The following ATP2C1 variants were observed in gnomAD, a reference collection of about 807,000 sequenced individuals.
ATP2C1 encodes ATPase secretory pathway Ca2+ transporting 1.
ATP2C1 carries 31 observed loss-of-function variants against 120.5 expected under a neutral mutation model. The observed-to-expected ratio is 0.26, with a 90% CI of 0.19 to 0.35. The LOEUF is 0.35. Ranked by LOEUF, ATP2C1 falls within the 10% of genes least tolerant of loss-of-function variation. ATP2C1 has a pLI of 1.00. For missense variants in ATP2C1, 731 were observed against 1,107.5 expected (o/e 0.66, Z 4.83); for synonymous variants, 351 against 358.7 (o/e 0.98, Z 0.24).
At chr3:130,941,252 G>GTGTGTGTGTGTGTC (rs1553764219) in intron 7 of ATP2C1, among the ~76,000 whole-genome samples, 65 of 144,346 alleles carry the variant, frequency 4.5e-4, no homozygotes, top group South Asian at 2.0e-3. Context: ...GTGTGTGTGT[G>GTGTGTGTGTGTGTC]TGTGTGTGTG....
At chr3:130,874,437 G>A (rs183517925) in intron 1 of ATP2C1, among the ~76,000 whole-genome samples, 18 of 152,098 alleles carry the variant, frequency 1.2e-4, no homozygotes, top group Admixed American at 9.8e-4. Flanking sequence ...AGTACTTGTC[G>A]TAACATTTTA....
chr3:130,953,952 A>G lies in ATP2C1; in HGVS notation c.663A>G (p.Thr221=). ...GAAGTAACATTGCCTTTATGGGAAC[A>G]CTGGTCAGATGTGGCAAAGCAAAGG... ...ASRSNIAFMG[T]LVRCGKAKGV... is the part of the protein sequence containing the mutation. Residue 221 remains threonine (T), a synonymous_variant, in exon 9 of 28, where the codon ACA becomes ACG. Coordinates refer to ENST00000510168, the MANE Select transcript of ATP2C1 (RefSeq NM_001378687.1). 6.2e-7 allele frequency: 1 copy of G among 1,614,062 alleles called. No individual in the cohort carries two copies. Among genetic ancestry groups the G allele is most frequent in the African/African-American group, 1.3e-5 (1 of 75,048 alleles).
chr3:130,898,847 G>T (rs186487205), intron 2 of ATP2C1, among the ~76,000 whole-genome samples: 168 of 152,274 alleles, frequency 1.1e-3, no homozygotes, highest in Admixed American at 3.5e-3. Context: ...TGTTTTAAAG[G>T]TGCCAGGAAC....
At chr3:130,856,493 T>C (rs1052115481) in intron 1 of ATP2C1, among the ~76,000 whole-genome samples, 13 of 152,220 alleles carry the variant, frequency 8.5e-5, no homozygotes, top group African/African-American at 2.9e-4. Context: ...TGTTTTTAGC[T>C]CCATAAAGTC....
chr3:130,900,395 T>C (rs780233031), intron 2 of ATP2C1, among the ~76,000 whole-genome samples: 4 of 152,138 alleles, frequency 2.6e-5, no homozygotes, highest in Non-Finnish European at 4.4e-5. Context: ...TTAGAAAGCT[T>C]TGAGATATTG....
Position 130,918,111 on chromosome 3 carries a change from T to A in ATP2C1, c.7-12305T>A, listed in dbSNP as rs1407985762. ...GCCAGCCTATCCGAGTACAGGGTAA[T>A]ATATAGTACTTAATGCTGGTAGAAT... On this transcript the variant is annotated intron_variant, in intron 2 of 27. Coordinates refer to ENST00000510168, the MANE Select transcript of ATP2C1 (RefSeq NM_001378687.1). 2.0e-5 allele frequency: 14 copies of A among 684,246 alleles called. No individual in the cohort carries two copies. The African/African-American group carries it at 2.3e-4, about 11-fold the overall frequency. 42.4% of individuals were successfully genotyped at this position (684,246 alleles called of 1,614,324 possible). A position where few individuals can be genotyped will look rare whatever the true frequency, so the allele number is the denominator to read the frequency against.
At chr3:130,920,308 T>C (rs973202768) in intron 2 of ATP2C1, among the ~76,000 whole-genome samples, 15 of 152,260 alleles carry the variant, frequency 9.9e-5, no homozygotes, top group African/African-American at 3.6e-4. Flanking sequence ...CTAAGAGTTT[T>C]AGTTTCATGT....
chr3:130,913,135 T>G, intron 2 of ATP2C1, among the ~76,000 whole-genome samples: 1 of 148,016 alleles, frequency 6.8e-6, no homozygotes, highest in Admixed American at 6.7e-5. Context: ...TTGGGAGATA[T>G]ACCTAATGCT....
intron 2 of ATP2C1, among the ~76,000 whole-genome samples, chr3:130,902,300 T>TG (rs1559900117): frequency 1.5e-4 from 10 of 66,128 alleles, no homozygotes; most frequent in Admixed American, 1.0e-3. Flanking sequence ...TTTTTTTGTT[T>TG]TTTTTTTTTT....
At position 130,927,130 on chromosome 3, in the gene ATP2C1, A is replaced by G. The variant is rs570106966; in HGVS notation, c.7-3286A>G. Among the ~76,000 whole-genome samples, 3 of 152,326 alleles carry G rather than the reference A, an allele frequency of 2.0e-5. No individual in the cohort carries two copies. In the South Asian group the frequency reaches 6.2e-4, roughly 32 times the overall value. On this transcript the variant is annotated intron_variant, in intron 2 of 27. Transcript: ENST00000510168. ...TGAATATGGAAAGTTCATAAACACTATATAAGTACTATGTGAATCTGGTTG... is the reference window on the plus strand; with the variant it reads ...TGAATATGGAAAGTTCATAAACACTGTATAAGTACTATGTGAATCTGGTTG...
chr3:130,894,521 A>T lies in ATP2C1; in HGVS notation c.-180-69A>T. 1 of 1,392,394 alleles carries T rather than the reference A, an allele frequency of 7.2e-7. No homozygotes were observed. Among genetic ancestry groups the T allele is most frequent in the South Asian group, 1.6e-5 (1 of 62,502 alleles). The allele number at this position is 1,392,394 out of a possible 1,614,324, so 86.3% of individuals were successfully genotyped here. A position where few individuals can be genotyped will look rare whatever the true frequency, so the allele number is the denominator to read the frequency against. The stretch of plus-strand genomic sequence containing the variant: ...GATCTTGGGGAGGGGGGCTCCCGAG[A>T]TAGTGGCTGGGCGGGGAACTCCTTC... On this transcript the variant is annotated intron_variant, in intron 1 of 27. Coordinates refer to ENST00000510168, the MANE Select transcript of ATP2C1 (RefSeq NM_001378687.1). The surrounding 1 kb of genome is among the most constrained non-coding windows in gnomAD (Gnocchi z 4.5).
chr3:131,016,677 A>G, exon 27 of ATP2C1: 1 of 344,648 alleles, frequency 2.9e-6, no homozygotes, highest in South Asian at 2.7e-5. Context: ...AATGACTATT[A>G]AATATTATTC....
chr3:130,964,592 A>G (rs2060970878), intron 13 of ATP2C1, among the ~76,000 whole-genome samples: 1 of 152,012 alleles, frequency 6.6e-6, no homozygotes, highest in Non-Finnish European at 1.5e-5. Context: ...AAGCTGAAAT[A>G]CCTTGAAAAA....
intron 2 of ATP2C1, chr3:130,919,230 C>T (rs852209): frequency 0.87 from 139,502 of 159,572 alleles, 60,924 homozygotes; most frequent in Non-Finnish European, 0.92. Context: ...TTCTTTCTTT[C>T]TTTTTTTTTT....
chr3:131,001,842 TTGTAA>T lies in ATP2C1; in HGVS notation c.*498_*502del, dbSNP rs141448272. 1,227 of 986,176 alleles carry T rather than the reference TTGTAA, an allele frequency of 1.2e-3. 10 individuals carry two copies. In the African/African-American group the frequency reaches 0.017, roughly 14 times the overall value. The allele number at this position is 986,176 out of a possible 1,614,324, so 61.1% of individuals were successfully genotyped here. A position where few individuals can be genotyped will look rare whatever the true frequency, so the allele number is the denominator to read the frequency against. ...TTTCAGCTACTGTATTTCCTTTTTCTTGTAATGTAAGCAGCTCAGATACCATGTGC... is the reference window on the plus strand; with the variant it reads ...TTTCAGCTACTGTATTTCCTTTTTCTTGTAAGCAGCTCAGATACCATGTGC... On this transcript the variant is annotated 3_prime_UTR_variant, in exon 28 of 28. Coordinates refer to ENST00000510168, the MANE Select transcript of ATP2C1 (RefSeq NM_001378687.1).
chr3:131,014,582 G>A (rs1463843358), intron 26 of ATP2C1, among the ~76,000 whole-genome samples: 2 of 152,142 alleles, frequency 1.3e-5, no homozygotes, highest in African/African-American at 4.8e-5. Flanking sequence ...ATTCTTTGCT[G>A]GTGATACTTA....
chr3:130,977,705 T>C (rs1001959404), intron 18 of ATP2C1, among the ~76,000 whole-genome samples: 2 of 152,198 alleles, frequency 1.3e-5, no homozygotes, highest in Non-Finnish European at 2.9e-5. Context: ...GGGAAAGTTT[T>C]TGTTGCACAG....
At chr3:130,877,837 G>A (rs1029438356) in intron 1 of ATP2C1, among the ~76,000 whole-genome samples, 7 of 152,094 alleles carry the variant, frequency 4.6e-5, no homozygotes, top group South Asian at 2.1e-4. Flanking sequence ...ACACATGCAC[G>A]TGTATGTTTA....
intron 22 of ATP2C1, among the ~76,000 whole-genome samples, chr3:130,994,667 T>C (rs914701211): frequency 3.3e-5 from 5 of 151,972 alleles, no homozygotes; most frequent in African/African-American, 9.7e-5. Flanking sequence ...ATTTATTTAT[T>C]TTTTTGGTAG....
Sources: allele counts gnomAD v4.1 joint callset (sites outside exome capture counted in the v4.1 genomes callset), GRCh38; gene constraint gnomAD v4.1.1; non-coding constraint Gnocchi (gnomAD v3.1); transcripts MANE v1.5; gene names NCBI Gene and HGNC (gene_info 2026-07-23, HGNC 2026-07-21).